The following PAPPA2 variants were observed in gnomAD, a reference collection of about 807,000 sequenced individuals.
The protein encoded by PAPPA2 is pappalysin-2.
In PAPPA2, 86 loss-of-function variants were observed where a neutral mutation model predicts 176.4. The observed-to-expected ratio is 0.49, with a 90% CI of 0.41 to 0.58. The LOEUF (loss-of-function observed/expected upper bound fraction) is 0.58, where lower values mean the gene tolerates loss of function less well. Among genes scored for constraint, PAPPA2 ranks in the 20% least tolerant of loss-of-function variants. The pLI is 0.00. For synonymous variants in PAPPA2, 809 were observed against 852.2 expected, an observed-to-expected ratio of 0.95 and a Z score of 0.88; for missense variants, 2,073 against 2,256.9, an observed-to-expected ratio of 0.92 and a Z score of 1.65.
At chr1:176,504,217 G>A (rs1375423559) in intron 1 of PAPPA2, among the ~76,000 whole-genome samples, 1 of 151,872 alleles carries the variant, frequency 6.6e-6, no homozygotes, top group African/African-American at 2.4e-5. Context: ...AAAATAAATA[G>A]CCTTGAAAAA....
intron 9 of PAPPA2, 41 bp downstream of exon 9, chr1:176,702,776 T>TGTGTGTGTGTGA (rs756390670): frequency 3.5e-6 from 4 of 1,146,326 alleles, no homozygotes; most frequent in African/African-American, 2.0e-5. Context: ...TGTGTGTGTG[T>TGTGTGTGTGTGA]GAGAGAGAGA....
chr1:176,514,506 C>G (rs1353646520), intron 1 of PAPPA2, among the ~76,000 whole-genome samples: 2 of 152,096 alleles, frequency 1.3e-5, no homozygotes, highest in Non-Finnish European at 2.9e-5. Flanking sequence ...GACCTTAACC[C>G]ACGTCTGCCT....
chr1:176,565,175 A>G (rs1336304637), intron 2 of PAPPA2, among the ~76,000 whole-genome samples: 1 of 152,196 alleles, frequency 6.6e-6, no homozygotes, highest in East Asian at 1.9e-4. Flanking sequence ...CCAGTCTTCA[A>G]TTACTGGATA....
chr1:176,731,684 T>TAC (rs199841301), intron 12 of PAPPA2, among the ~76,000 whole-genome samples: 59 of 151,162 alleles, frequency 3.9e-4, no homozygotes, highest in Middle Eastern at 3.4e-3. Flanking sequence ...TGTGTATATA[T>TAC]ACATATATGT....
chr1:176,699,209 C>G lies in PAPPA2; in HGVS notation c.2856C>G (p.Ser952Arg), dbSNP rs1164622011. 2 of 1,614,054 alleles carry G rather than the reference C, an allele frequency of 1.2e-6. No homozygotes were observed. The highest frequency in any genetic ancestry group is 1.7e-6 in the Non-Finnish European group (2 of 1,180,026). Residue 952 changes from serine (S) to arginine (R), a missense_variant, in exon 8 of 23, where the codon AGC (serine) becomes AGG (arginine). Ser to Arg is a moderately radical substitution (Grantham distance 110). Transcript: ENST00000367662. ...MTVPCPTEGC[S>R]LELLFQHPVQ... The stretch of plus-strand genomic sequence containing the variant: ...TCCCCTGCCCCACAGAAGGCTGTAG[C>G]TTGGAGCTGCTCTTCCAACACCCGG...
At chr1:176,657,464 G>T (rs1254973830) in intron 3 of PAPPA2, among the ~76,000 whole-genome samples, 2 of 151,954 alleles carry the variant, frequency 1.3e-5, no homozygotes, top group Non-Finnish European at 2.9e-5. Context: ...TTTTTGAAAG[G>T]TTAGTCTTGA....
chr1:176,706,104 C>T (rs1660870088), intron 9 of PAPPA2, among the ~76,000 whole-genome samples: 1 of 152,164 alleles, frequency 6.6e-6, no homozygotes, highest in Non-Finnish European at 1.5e-5. Context: ...GTTTCTGAGC[C>T]ATGAGCTACT....
In PAPPA2 at chr1:176,791,156, C is replaced by A. The variant is rs142458896; in HGVS notation, c.4885-191C>A. 9.1e-5 allele frequency among the ~76,000 whole-genome samples: 12 copies of A among 131,240 alleles called. No individual in the cohort carries two copies. The East Asian group carries it at 2.1e-3, about 23-fold the overall frequency. 86.1% of individuals were successfully genotyped at this position (131,240 alleles called of 152,430 possible). ...AAAAATTGTCATCATGATTCCTCTGCTTGGAAAAAGCAAAGAATTTTTTTT... is the reference window on the plus strand; with the variant it reads ...AAAAATTGTCATCATGATTCCTCTGATTGGAAAAAGCAAAGAATTTTTTTT... On this transcript the variant is annotated intron_variant, in intron 18 of 22. Transcript: ENST00000367662.
At chr1:176,607,806 A>C (rs1021650464) in intron 3 of PAPPA2, among the ~76,000 whole-genome samples, 8 of 152,132 alleles carry the variant, frequency 5.3e-5, no homozygotes, top group African/African-American at 1.7e-4. Flanking sequence ...CTCACCAATA[A>C]ACTGTTAATT....
At chr1:176,465,291 T>A (rs1422950220) in intron 1 of PAPPA2, among the ~76,000 whole-genome samples, 1 of 152,190 alleles carries the variant, frequency 6.6e-6, no homozygotes, top group African/African-American at 2.4e-5. Context: ...TAGTTAAAAG[T>A]GTATGGAGAG....
At chr1:176,765,406 T>C (rs1663916114) in intron 14 of PAPPA2, among the ~76,000 whole-genome samples, 2 of 152,188 alleles carry the variant, frequency 1.3e-5, no homozygotes, top group Non-Finnish European at 2.9e-5. Context: ...GTTCTCCACC[T>C]CATTTCATCA....
chr1:176,636,474 C>T (rs1376018766), intron 3 of PAPPA2, among the ~76,000 whole-genome samples: 1 of 152,142 alleles, frequency 6.6e-6, no homozygotes, highest in Non-Finnish European at 1.5e-5. Context: ...AGAGGAGGAA[C>T]ACTGGACAAA....
chr1:176,477,485 G>T (rs955565302), intron 1 of PAPPA2, among the ~76,000 whole-genome samples: 2 of 152,060 alleles, frequency 1.3e-5, no homozygotes, highest in Non-Finnish European at 2.9e-5. Context: ...AGTGGCTCAC[G>T]CCTGTAATCC....
chr1:176,537,546 G>A (rs772707632), intron 1 of PAPPA2, among the ~76,000 whole-genome samples: 8 of 152,138 alleles, frequency 5.3e-5, no homozygotes, highest in Admixed American at 1.3e-4. Context: ...TGTGCCTGGC[G>A]CATCAAAGAA....
intron 14 of PAPPA2, among the ~76,000 whole-genome samples, chr1:176,757,207 T>C (rs890160877): frequency 3.3e-5 from 5 of 152,228 alleles, no homozygotes; most frequent in African/African-American, 1.2e-4. Flanking sequence ...TTTATAATCC[T>C]TTGGGTATAT....
intron 1 of PAPPA2, among the ~76,000 whole-genome samples, chr1:176,480,285 G>A (rs1652330761): frequency 6.6e-6 from 1 of 152,160 alleles, no homozygotes; most frequent in African/African-American, 2.4e-5. Flanking sequence ...CACCCGAAAG[G>A]GCAGCGCTGG....
chr1:176,639,021 TG>T (rs1656904998), intron 3 of PAPPA2, among the ~76,000 whole-genome samples: 1 of 151,052 alleles, frequency 6.6e-6, no homozygotes, highest in Admixed American at 6.6e-5. Context: ...CCAAAATACT[TG>T]GTTAATAGAT....
intron 21 of PAPPA2, among the ~76,000 whole-genome samples, chr1:176,804,094 A>G (rs1453415129): frequency 6.6e-6 from 1 of 152,206 alleles, no homozygotes; most frequent in African/African-American, 2.4e-5. Context: ...TACAGTGAAG[A>G]TAAATGAGAT....
intron 1 of PAPPA2, among the ~76,000 whole-genome samples, chr1:176,475,800 A>G (rs1321832635): frequency 6.6e-6 from 1 of 152,172 alleles, no homozygotes; most frequent in African/African-American, 2.4e-5. Context: ...GAGGAGGGAA[A>G]GAGCCATGGC....
Sources: gnomAD v4.1 joint callset for allele counts (sites outside exome capture counted in the v4.1 genomes callset) on GRCh38, gnomAD v4.1.1 for gene constraint, MANE v1.5 for transcripts, NCBI Gene and HGNC (gene_info 2026-07-23, HGNC 2026-07-21) for gene names.